Variants in ANKS1B observed in about 807,000 individuals in gnomAD.
The protein encoded by ANKS1B is ankyrin repeat and sterile alpha motif domain containing 1B.
Under a neutral mutation model 148.3 loss-of-function variants are expected in ANKS1B, and 36 were observed. The ratio of observed to expected loss-of-function variants is 0.24; its 90% CI spans 0.19 to 0.32. The LOEUF (loss-of-function observed/expected upper bound fraction) is 0.32, where lower values mean the gene tolerates loss of function less well. Ranked by LOEUF, ANKS1B falls within the 10% of genes least tolerant of loss-of-function variation. ANKS1B has a pLI of 1.00. For missense variants in ANKS1B, 1,157 were observed against 1,542.6 expected (o/e 0.75, Z 4.19); for synonymous variants, 542 against 560.8 (o/e 0.97, Z 0.47).
intron 12 of ANKS1B, among the ~76,000 whole-genome samples, chr12:99,374,238 T>G (rs1299002214): frequency 1.3e-5 from 2 of 152,196 alleles, no homozygotes; most frequent in Admixed American, 1.3e-4. Flanking sequence ...CATTCAAATG[T>G]CATTTCATTA....
chr12:99,516,305 A>G (rs1423214727), intron 9 of ANKS1B, among the ~76,000 whole-genome samples: 1 of 152,090 alleles, frequency 6.6e-6, no homozygotes, highest in Non-Finnish European at 1.5e-5. Flanking sequence ...TTAAGTCTTT[A>G]ATCTATTTTC....
intron 8 of ANKS1B, among the ~76,000 whole-genome samples, chr12:99,668,372 T>C (rs921896558): frequency 6.6e-6 from 1 of 152,066 alleles, no homozygotes; most frequent in Non-Finnish European, 1.5e-5. Flanking sequence ...TTTACTGATA[T>C]TGATTTTAAT....
intron 8 of ANKS1B, among the ~76,000 whole-genome samples, chr12:99,770,678 TA>T (rs796505295): frequency 1.0e-4 from 15 of 148,638 alleles, no homozygotes; most frequent in African/African-American, 2.0e-4. Context: ...TCTCATTTCT[TA>T]AAAAAAAAAC....
chr12:99,744,909 T>C (rs1243957653), intron 8 of ANKS1B, among the ~76,000 whole-genome samples: 3 of 141,854 alleles, frequency 2.1e-5, no homozygotes, highest in Non-Finnish European at 3.0e-5. Context: ...GGAGAATTGC[T>C]TGAACCCGGG....
At chr12:99,083,124 A>G (rs541939409) in intron 16 of ANKS1B, among the ~76,000 whole-genome samples, 8 of 152,334 alleles carry the variant, frequency 5.3e-5, no homozygotes, top group Admixed American at 3.9e-4. Context: ...TGAATTTGCA[A>G]AAGGAGTAAG....
chr12:99,564,746 C>A (rs1265150680), intron 9 of ANKS1B, among the ~76,000 whole-genome samples: 1 of 152,130 alleles, frequency 6.6e-6, no homozygotes, highest in Non-Finnish European at 1.5e-5. Flanking sequence ...ATAGTCTGTA[C>A]TTACTTACAC....
At position 99,963,925 on chromosome 12, in the gene ANKS1B, T is replaced by C. The variant is rs561734664; in HGVS notation, c.134+20179A>G. 7.4e-4 allele frequency among the ~76,000 whole-genome samples: 112 copies of C among 152,336 alleles called. 1 individual carries two copies. Among genetic ancestry groups the C allele is most frequent in the African/African-American group, 2.7e-3 (112 of 41,576 alleles). On this transcript the variant is annotated intron_variant, in intron 1 of 26. Coordinates refer to ENST00000683438, the MANE Select transcript of ANKS1B (RefSeq NM_001352186.2). ...CTCTATCGAATTCTGCAAACTCAACTTCTTCAGTGAATGACAGTTAATATC... is the reference window on the plus strand; with the variant it reads ...CTCTATCGAATTCTGCAAACTCAACCTCTTCAGTGAATGACAGTTAATATC...
chr12:98,872,132 A>C lies in ANKS1B; in HGVS notation c.2779-39996T>G, dbSNP rs140463912. 9.2e-4 allele frequency among the ~76,000 whole-genome samples: 140 copies of C among 152,316 alleles called. 1 individual carries two copies. Among genetic ancestry groups the C allele is most frequent in the African/African-American group, 3.1e-3 (129 of 41,572 alleles). ...TATACCATTAGTTCAAACACTACCA[A>C]AGACTAAATACAAGCTCTTACAGGC... On this transcript the variant is annotated intron_variant, in intron 17 of 26. Transcript: ENST00000683438.
intron 1 of ANKS1B, among the ~76,000 whole-genome samples, chr12:99,960,293 A>G (rs1167597311): frequency 6.6e-6 from 1 of 152,208 alleles, no homozygotes; most frequent in Non-Finnish European, 1.5e-5. Context: ...CATCTATGCG[A>G]GGTAAGGTTT....
intron 12 of ANKS1B, among the ~76,000 whole-genome samples, chr12:99,322,181 A>G (rs1347697632): frequency 6.6e-6 from 1 of 152,220 alleles, no homozygotes; most frequent in African/African-American, 2.4e-5. Flanking sequence ...CAGCCATAAA[A>G]AAATGAGACT....
chr12:99,310,968 A>G (rs2083066335), intron 12 of ANKS1B, among the ~76,000 whole-genome samples: 1 of 152,188 alleles, frequency 6.6e-6, no homozygotes, highest in Non-Finnish European at 1.5e-5. Flanking sequence ...GGAAAACAAT[A>G]GCACCTGCCT....
intron 8 of ANKS1B, among the ~76,000 whole-genome samples, chr12:99,712,609 G>A (rs1238210808): frequency 6.6e-6 from 1 of 152,192 alleles, no homozygotes; most frequent in Non-Finnish European, 1.5e-5. Context: ...AAGGATCTAT[G>A]GGTGAGGCTC....
intron 12 of ANKS1B, among the ~76,000 whole-genome samples, chr12:99,387,376 G>A (rs1269139784): frequency 6.6e-6 from 1 of 152,150 alleles, no homozygotes; most frequent in East Asian, 1.9e-4. Flanking sequence ...CCAGCACTTT[G>A]GGAGGCCGAG....
chr12:98,955,995 T>C (rs1267217768), intron 17 of ANKS1B, among the ~76,000 whole-genome samples: 1 of 152,220 alleles, frequency 6.6e-6, no homozygotes, highest in Admixed American at 6.5e-5. Flanking sequence ...CAGACTCTTC[T>C]GACCAAGGCC....
intron 1 of ANKS1B, among the ~76,000 whole-genome samples, chr12:99,833,153 GAA>G (rs2084300303): frequency 6.6e-6 from 1 of 152,242 alleles, no homozygotes; most frequent in South Asian, 2.1e-4. Flanking sequence ...TTTCTTTAAG[GAA>G]AAGAAAAGAC....
At chr12:99,380,804 T>TTCCTTCCTTCCTTCCTTCCTTC (rs1566991383) in intron 12 of ANKS1B, among the ~76,000 whole-genome samples, 1 of 100,746 alleles carries the variant, frequency 9.9e-6, no homozygotes, top group African/African-American at 4.5e-5. Flanking sequence ...TTCCTTCCTT[T>TTCCTTCCTTCCTTCCTTCCTTC]CTCATGCTCC....
intron 17 of ANKS1B, among the ~76,000 whole-genome samples, chr12:98,911,110 T>A (rs2099786242): frequency 6.6e-6 from 1 of 152,194 alleles, no homozygotes; most frequent in Non-Finnish European, 1.5e-5. Flanking sequence ...AGATTTTTTT[T>A]TTAAACTGTG....
At chr12:99,913,519 C>T (rs1306913468) in intron 1 of ANKS1B, among the ~76,000 whole-genome samples, 1 of 152,048 alleles carries the variant, frequency 6.6e-6, no homozygotes, top group African/African-American at 2.4e-5. Flanking sequence ...AATTTTCTTT[C>T]ATCACGCTAA....
Position 99,504,631 on chromosome 12 carries a change from G to T in ANKS1B, c.1283C>A (p.Pro428Gln). The part of the protein sequence containing the change: ...GFPMLAQESY[P>Q]KKRNYTMEIV... Reference sequence around the variant, plus strand: ...TTCCATAGTGTAATTTCTCTTCTTTGGATAGGACTCCTGAAAAGAAGAAAA... The same window carrying T: ...TTCCATAGTGTAATTTCTCTTCTTTTGATAGGACTCCTGAAAAGAAGAAAA... Residue 428 changes from proline (P) to glutamine (Q), a missense_variant, in exon 10 of 27, where the codon CCA becomes CAA. Physicochemically the swap from Pro to Gln is moderately conservative, Grantham distance 76. This residue lies in a region of ANKS1B where 661 missense variants were observed against 642.1 expected (regional missense o/e 1.03). Transcript: ENST00000683438. The T allele has an allele frequency of 6.4e-7, 1 of 1,570,692 alleles. No homozygotes were observed. The highest frequency in any genetic ancestry group is 8.6e-7 in the Non-Finnish European group (1 of 1,158,130).
Sources: allele counts gnomAD v4.1 joint callset (sites outside exome capture counted in the v4.1 genomes callset), GRCh38; gene constraint gnomAD v4.1.1; regional missense constraint gnomAD v4.1.1; transcripts MANE v1.5; gene names NCBI Gene and HGNC (gene_info 2026-07-23, HGNC 2026-07-21).